Variants in KIFAP3 observed in about 807,000 individuals in gnomAD.
KIFAP3 encodes the protein kinesin-associated protein 3.
KIFAP3 carries 68 observed loss-of-function variants against 106.5 expected under a neutral mutation model. The observed-to-expected ratio is 0.64, with a 90% confidence interval of 0.53 to 0.78. The LOEUF is 0.78. Among genes scored for constraint, KIFAP3 ranks in the 30% least tolerant of loss-of-function variants. The pLI is 0.00. For synonymous variants in KIFAP3, 320 were observed against 311.5 expected (o/e 1.03, Z -0.29); for missense variants, 780 against 941.8 (o/e 0.83, Z 2.25).
intron 2 of KIFAP3, among the ~76,000 whole-genome samples, chr1:170,047,488 G>A (rs1166950045): frequency 6.6e-6 from 1 of 151,826 alleles, no homozygotes; most frequent in East Asian, 1.9e-4. Context: ...AGGTGTGGTG[G>A]TGCGCGCCTG....
At chr1:169,992,126 G>T (rs747884252) in intron 11 of KIFAP3, 29 bp downstream of exon 11, 34 of 1,091,072 alleles carry the variant, frequency 3.1e-5, no homozygotes, top group Non-Finnish European at 3.4e-5. Context: ...TTTGTTAAAT[G>T]TTTTTCATAA....
At chr1:170,079,116 A>G (rs2102192519), upstream of KIFAP3, among the ~76,000 whole-genome samples, 1 of 152,354 alleles carries the variant, frequency 6.6e-6, no homozygotes, top group East Asian at 1.9e-4. Context: ...TGGGTGATGC[A>G]GACAGATCCC....
intron 9 of KIFAP3, 51 bp from the exon 10 acceptor site, chr1:170,016,675 CA>C (rs746245154): frequency 9.2e-7 from 1 of 1,091,272 alleles, no homozygotes; most frequent in Non-Finnish European, 1.3e-6. Context: ...CAAAATAGGA[CA>C]AAAAGAATAT....
intron 10 of KIFAP3, among the ~76,000 whole-genome samples, chr1:170,000,225 T>G (rs1485217314): frequency 3.9e-5 from 6 of 152,110 alleles, no homozygotes; most frequent in Non-Finnish European, 8.8e-5. Context: ...GAAAACAAAG[T>G]GAGAACACAA....
rs546294260 is a variant in KIFAP3 at position 169,966,703 on chromosome 1, A to G, written c.1984-5468T>C. 4.1e-5 allele frequency among the ~76,000 whole-genome samples: 3 copies of G among 72,942 alleles called. No individual in the cohort carries two copies. In the East Asian group the frequency reaches 1.3e-3, roughly 33 times the overall value. 47.9% of individuals were successfully genotyped at this position (72,942 alleles called of 152,430 possible). A position where few individuals can be genotyped will look rare whatever the true frequency, so the allele number is the denominator to read the frequency against. ...GTTTTCAATGACTTTCTTAACTCTA[A>G]CATCAATGGATAACTGGAAAATATT... On this transcript the variant is annotated intron_variant, in intron 17 of 19. Transcript: ENST00000361580.
chr1:170,046,169 C>G (rs529676688), intron 3 of KIFAP3, among the ~76,000 whole-genome samples: 2 of 127,762 alleles, frequency 1.6e-5, no homozygotes, highest in Admixed American at 9.9e-5. Context: ...TCTCTCATCT[C>G]CTAGTTTGGT....
chr1:170,000,839 G>GA (rs1244445727), intron 10 of KIFAP3, among the ~76,000 whole-genome samples: 1 of 151,984 alleles, frequency 6.6e-6, no homozygotes, highest in Non-Finnish European at 1.5e-5. Context: ...CAGTTAAGGG[G>GA]AAAAAATAAC....
chr1:170,082,116 G>A (rs954620791), intron 1 of KIFAP3, among the ~76,000 whole-genome samples: 4 of 152,084 alleles, frequency 2.6e-5, no homozygotes, highest in Admixed American at 6.6e-5. Context: ...GAAAACATAT[G>A]TCCACAACAA....
At chr1:170,058,880 CAT>C (rs1003190124) in intron 1 of KIFAP3, among the ~76,000 whole-genome samples, 1 of 151,880 alleles carries the variant, frequency 6.6e-6, no homozygotes, top group African/African-American at 2.4e-5. Flanking sequence ...TGCAAATAAA[CAT>C]ATGAAAACGT....
chr1:170,038,183 G>T, intron 5 of KIFAP3, 107 bp downstream of exon 5: 1 of 852,870 alleles, frequency 1.2e-6, no homozygotes, highest in Non-Finnish European at 1.7e-6. Context: ...TAAGAAATCT[G>T]AGTAAGAAAG....
intron 10 of KIFAP3, among the ~76,000 whole-genome samples, chr1:169,996,669 A>T (rs1008767171): frequency 2.6e-5 from 4 of 152,194 alleles, no homozygotes; most frequent in Non-Finnish European, 4.4e-5. Flanking sequence ...AGGAGGCAGC[A>T]GAGGGAGTGA....
chr1:170,019,797 C>T (rs116409248), intron 9 of KIFAP3, among the ~76,000 whole-genome samples: 2,793 of 152,214 alleles, frequency 0.018, 71 homozygotes, highest in African/African-American at 0.063. Context: ...GCCGCTCACA[C>T]GATTCCTCCT....
intron 2 of KIFAP3, among the ~76,000 whole-genome samples, chr1:170,048,953 G>C (rs576364720): frequency 6.6e-6 from 1 of 152,328 alleles, no homozygotes; most frequent in Admixed American, 6.5e-5. Context: ...TACCCCAGGT[G>C]CCTGGAATCC....
intron 10 of KIFAP3, among the ~76,000 whole-genome samples, chr1:170,003,551 T>C (rs1453660319): frequency 2.0e-5 from 3 of 152,128 alleles, no homozygotes; most frequent in Admixed American, 1.3e-4. Flanking sequence ...CACTAATCTC[T>C]TCAAAGCTGT....
In KIFAP3 at chr1:170,037,719, G is replaced by A. The variant is rs141022921; in HGVS notation, c.517+571C>T. On this transcript the variant is annotated intron_variant, in intron 5 of 19. Coordinates refer to ENST00000361580, the MANE Select transcript of KIFAP3 (RefSeq NM_014970.4). ...CAGTGAGCCAAAGGTTGCAGTGAGCGGAGATCGCGCCACTGCACTCCAGCC... is the reference window on the plus strand; with the variant it reads ...CAGTGAGCCAAAGGTTGCAGTGAGCAGAGATCGCGCCACTGCACTCCAGCC... 2.6e-3 allele frequency among the ~76,000 whole-genome samples: 401 copies of A among 152,130 alleles called. 1 individual carries two copies. The highest frequency in any genetic ancestry group is 8.9e-3 in the African/African-American group (369 of 41,512).
intron 8 of KIFAP3, among the ~76,000 whole-genome samples, chr1:170,026,841 A>G (rs937448696): frequency 1.3e-5 from 2 of 152,192 alleles, no homozygotes; most frequent in African/African-American, 4.8e-5. Flanking sequence ...AGTGGGAAAT[A>G]ACTAGCTTTA....
intron 19 of KIFAP3, among the ~76,000 whole-genome samples, chr1:169,951,310 T>C (rs976982169): frequency 6.6e-6 from 1 of 151,918 alleles, no homozygotes; most frequent in African/African-American, 2.4e-5. Context: ...GGGAAAGTTC[T>C]TTCTAAAGGG....
At chr1:169,966,822 ATGT>A (rs1665657287) in intron 17 of KIFAP3, among the ~76,000 whole-genome samples, 1 of 151,802 alleles carries the variant, frequency 6.6e-6, no homozygotes, top group Non-Finnish European at 1.5e-5. Context: ...GTTTGTGATA[ATGT>A]TGCCTCAGGT....
intron 1 of KIFAP3, among the ~76,000 whole-genome samples, chr1:170,058,701 T>A (rs941457651): frequency 6.6e-6 from 1 of 152,024 alleles, no homozygotes; most frequent in African/African-American, 2.4e-5. Context: ...TTTTTTAAAC[T>A]GGGACAAATG....
Sources: gnomAD v4.1 joint callset for allele counts (sites outside exome capture counted in the v4.1 genomes callset) on GRCh38, gnomAD v4.1.1 for gene constraint, MANE v1.5 for transcripts, NCBI Gene and HGNC (gene_info 2026-07-23, HGNC 2026-07-21) for gene names.